PHF20L1: variants seen among roughly 807,000 people sequenced by gnomAD.
PHF20L1 encodes the protein PHD finger protein 20-like protein 1.
A neutral mutation model predicts 125.5 loss-of-function variants in PHF20L1; 44 were observed. That is an observed-to-expected ratio of 0.35 (90% confidence interval 0.28 to 0.45). The LOEUF (loss-of-function observed/expected upper bound fraction) is 0.45, where lower values mean the gene tolerates loss of function less well. Among genes scored for constraint, PHF20L1 ranks in the 20% least tolerant of loss-of-function variants. The pLI, the probability that PHF20L1 is intolerant of heterozygous loss-of-function variation, is 1.00. For missense variants in PHF20L1, 1,012 were observed against 1,217.2 expected (o/e 0.83, Z 2.51); for synonymous variants, 380 against 403.1 (o/e 0.94, Z 0.69).
At position 132,775,409 on chromosome 8, in the gene PHF20L1, C is replaced by CGGA; in HGVS notation, c.-272_-271insAGG. 2.7e-6 allele frequency: 1 copy of CGGA among 371,074 alleles called. No homozygotes were observed. The highest frequency in any genetic ancestry group is 4.7e-6 in the Non-Finnish European group (1 of 211,056). The allele number at this position is 371,074 out of a possible 1,614,324, so 23.0% of individuals were successfully genotyped here. On this transcript the variant is annotated 5_prime_UTR_variant, in exon 1 of 21. Coordinates refer to ENST00000395386, the MANE Select transcript of PHF20L1 (RefSeq NM_016018.5). ...CGTCAGGGCTGGCCGGCGGCGGAGGCGGCGGCGGCGGCGGCGATGGCAGCG... is the reference window on the plus strand; with the variant it reads ...CGTCAGGGCTGGCCGGCGGCGGAGGCGGAGGCGGCGGCGGCGGCGATGGCAGCG...
chr8:132,828,862 C>A (rs969565941), intron 14 of PHF20L1, among the ~76,000 whole-genome samples: 1 of 151,962 alleles, frequency 6.6e-6, no homozygotes, highest in East Asian at 1.9e-4. Flanking sequence ...GAAAGCATTG[C>A]ATAGTAAAAA....
intron 18 of PHF20L1, among the ~76,000 whole-genome samples, chr8:132,840,357 G>T (rs927869855): frequency 1.3e-5 from 2 of 151,624 alleles, no homozygotes; most frequent in Non-Finnish European, 2.9e-5. Context: ...CTTCTCACTG[G>T]TACTGTCTCA....
At chr8:132,778,980 C>T (rs1358888239) in intron 2 of PHF20L1, among the ~76,000 whole-genome samples, 3 of 152,228 alleles carry the variant, frequency 2.0e-5, no homozygotes, top group South Asian at 2.1e-4. Context: ...GTCAACTTCC[C>T]GAGTTGGCAA....
intron 15 of PHF20L1, among the ~76,000 whole-genome samples, chr8:132,834,053 A>G (rs1360310901): frequency 6.6e-6 from 1 of 152,122 alleles, no homozygotes. Flanking sequence ...GGAAGGCAAC[A>G]GCTGTTCTTG....
rs1838526932 is a variant in PHF20L1 at position 132,847,884 on chromosome 8, A to G, written c.*1961A>G. 6.6e-6 allele frequency: 1 copy of G among 152,306 alleles called. No individual in the cohort carries two copies. The highest frequency in any genetic ancestry group is 1.5e-5 in the Non-Finnish European group (1 of 68,000). 9.4% of individuals were successfully genotyped at this position (152,306 alleles called of 1,614,324 possible). ...TTCCATGTGTGGAGTAAATTTGCTA[A>G]TGTCTATATTTTATGATTGATACTA... On this transcript the variant is annotated 3_prime_UTR_variant, in exon 21 of 21. Coordinates refer to ENST00000395386, the MANE Select transcript of PHF20L1 (RefSeq NM_016018.5).
chr8:132,787,759 A>G (rs2131379108), intron 2 of PHF20L1, among the ~76,000 whole-genome samples: 1 of 152,258 alleles, frequency 6.6e-6, no homozygotes, highest in South Asian at 2.1e-4. Flanking sequence ...ATGGGAAAAC[A>G]TTTTTGAAAA....
At chr8:132,783,229 G>A (rs1830639395) in intron 2 of PHF20L1, among the ~76,000 whole-genome samples, 1 of 152,006 alleles carries the variant, frequency 6.6e-6, no homozygotes, top group Non-Finnish European at 1.5e-5. Flanking sequence ...CTAAAGAAAA[G>A]GAAAATGAAA....
At chr8:132,839,837 C>T (rs1380079071) in intron 18 of PHF20L1, among the ~76,000 whole-genome samples, 1 of 152,064 alleles carries the variant, frequency 6.6e-6, no homozygotes, top group African/African-American at 2.4e-5. Flanking sequence ...TAGCTCCTGT[C>T]CCACTGTTTT....
chr8:132,775,673 A>G, intron 1 of PHF20L1, 28 bp downstream of exon 1: 1 of 331,280 alleles, frequency 3.0e-6, no homozygotes, highest in Non-Finnish European at 5.5e-6. Context: ...CTGAGCCGGC[A>G]GGCCGCCTGG....
chr8:132,814,448 A>G (rs1834745457), intron 9 of PHF20L1, among the ~76,000 whole-genome samples, 189 bp from the exon 10 acceptor site: 1 of 151,960 alleles, frequency 6.6e-6, no homozygotes, highest in African/African-American at 2.4e-5. Flanking sequence ...GCATCCCTTT[A>G]AAGACAGCCT....
chr8:132,832,221 A>G lies in PHF20L1; in HGVS notation c.1745-14A>G. On this transcript the variant is annotated splice_polypyrimidine_tract_variant and intron_variant, in intron 14 of 20. Transcript: ENST00000395386. ...ACACTTTATTAATATTTCTTTCTGT[A>G]TCTTATGTTGCAGACTATTCAGACT... 6.6e-6 allele frequency: 10 copies of G among 1,518,038 alleles called. No homozygotes were observed. Among genetic ancestry groups the G allele is most frequent in the Non-Finnish European group, 9.1e-6 (10 of 1,095,076 alleles). The allele number at this position is 1,518,038 out of a possible 1,614,324, so 94.0% of individuals were successfully genotyped here. A position where few individuals can be genotyped will look rare whatever the true frequency, so the allele number is the denominator to read the frequency against.
chr8:132,824,151 G>T, intron 13 of PHF20L1, 91 bp downstream of exon 13: 1 of 740,308 alleles, frequency 1.4e-6, no homozygotes, highest in Non-Finnish European at 2.3e-6. Flanking sequence ...ACCAGTTAAT[G>T]CTACCTTAGG....
intron 2 of PHF20L1, among the ~76,000 whole-genome samples, chr8:132,781,025 T>G (rs934494766): frequency 2.0e-5 from 3 of 151,934 alleles, no homozygotes; most frequent in Non-Finnish European, 2.9e-5. Context: ...AAAAAAAAAT[T>G]TTTTTTGTAG....
chr8:132,844,405 A>T (rs962157285), intron 20 of PHF20L1, 87 bp downstream of exon 20: 1 of 1,027,566 alleles, frequency 9.7e-7, no homozygotes, highest in South Asian at 1.5e-5. Context: ...AAATTATGGG[A>T]TGAAAACTGC....
chr8:132,779,203 G>C (rs1014677227), intron 2 of PHF20L1, among the ~76,000 whole-genome samples: 1 of 152,156 alleles, frequency 6.6e-6, no homozygotes, highest in Admixed American at 6.5e-5. Flanking sequence ...GAATGTACAT[G>C]GTAATTCTTA....
chr8:132,830,466 A>G (rs957627381), intron 14 of PHF20L1, among the ~76,000 whole-genome samples: 2 of 152,004 alleles, frequency 1.3e-5, no homozygotes, highest in African/African-American at 2.4e-5. Context: ...CCACCTTCAA[A>G]TGGATACTTA....
chr8:132,822,621 A>T (rs981103455), intron 12 of PHF20L1, among the ~76,000 whole-genome samples: 1 of 152,024 alleles, frequency 6.6e-6, no homozygotes, highest in Non-Finnish European at 1.5e-5. Context: ...AACAGAAGGG[A>T]TGCATTTCTT....
intron 2 of PHF20L1, 65 bp from the exon 3 acceptor site, chr8:132,794,345 G>A (rs1586890272): frequency 1.5e-5 from 15 of 972,320 alleles, no homozygotes; most frequent in South Asian, 9.1e-5. Context: ...CTAAATCTAT[G>A]TATAATGCTT....
chr8:132,822,379 C>T (rs1214583035), intron 12 of PHF20L1, among the ~76,000 whole-genome samples: 1 of 151,910 alleles, frequency 6.6e-6, no homozygotes, highest in South Asian at 2.1e-4. Flanking sequence ...TCCCTGTCCC[C>T]ACTCCAGGAG....
Sources: gnomAD v4.1 joint callset for allele counts (sites outside exome capture counted in the v4.1 genomes callset) on GRCh38, gnomAD v4.1.1 for gene constraint, MANE v1.5 for transcripts, NCBI Gene and HGNC (gene_info 2026-07-23, HGNC 2026-07-21) for gene names.